The following LMX1B variants were observed in gnomAD, a reference collection of about 807,000 sequenced individuals.
LMX1B encodes LIM homeobox transcription factor 1 beta, also known as LIM homeobox transcription factor 1-beta.
Under a neutral mutation model 51.4 loss-of-function variants are expected in LMX1B, and 12 were observed. That is an observed-to-expected ratio of 0.23 (90% CI 0.15 to 0.38). The LOEUF (loss-of-function observed/expected upper bound fraction) is 0.38, where lower values mean the gene tolerates loss of function less well. Among genes scored for constraint, LMX1B ranks in the 10% least tolerant of loss-of-function variants. The pLI, the probability that LMX1B is intolerant of heterozygous loss-of-function variation, is 1.00. For missense variants in LMX1B, 445 were observed against 571.1 expected, an observed-to-expected ratio of 0.78 and a Z score of 2.25; for synonymous variants, 237 against 235.4, an observed-to-expected ratio of 1.01 and a Z score of -0.06.
intron 2 of LMX1B, among the ~76,000 whole-genome samples, chr9:126,640,444 A>G (rs1835788948): frequency 6.6e-6 from 1 of 152,196 alleles, no homozygotes; most frequent in Non-Finnish European, 1.5e-5. Context: ...TGTGACCTGT[A>G]TCTGAGGGCA....
intron 2 of LMX1B, among the ~76,000 whole-genome samples, chr9:126,630,515 G>A (rs377023233): frequency 2.0e-5 from 3 of 152,154 alleles, no homozygotes; most frequent in Non-Finnish European, 4.4e-5. Context: ...CATTTTACAG[G>A]GGAGGAAATT....
chr9:126,695,783 G>T lies in LMX1B; in HGVS notation c.887-56G>T, dbSNP rs1043635342. 2 of 1,597,292 alleles carry T rather than the reference G, an allele frequency of 1.3e-6. No individual in the cohort carries two copies. Among genetic ancestry groups the T allele is most frequent in the Admixed American group, 1.7e-5 (1 of 59,536 alleles). On this transcript the variant is annotated intron_variant, in intron 6 of 7. Coordinates refer to ENST00000373474, the MANE Select transcript of LMX1B (RefSeq NM_001174147.2). The surrounding 1 kb of genome is among the most constrained non-coding windows in gnomAD (Gnocchi z 5.2). The stretch of plus-strand genomic sequence containing the variant: ...GAGATCAGAAGGGGAGGCTGCTGGG[G>T]TGTAGCTGGGAGGGCGTGGACCAGG...
At chr9:126,639,209 A>G (rs1835766359) in intron 2 of LMX1B, among the ~76,000 whole-genome samples, 1 of 152,130 alleles carries the variant, frequency 6.6e-6, no homozygotes, top group Non-Finnish European at 1.5e-5. Context: ...GCCAGAAGCT[A>G]TCTCTAGAGG....
chr9:126,614,095 C>T lies in LMX1B; in HGVS notation c.-355C>T, dbSNP rs1835245532. 7.0e-6 allele frequency among the ~76,000 whole-genome samples: 1 copy of T among 141,940 alleles called. No homozygotes were observed. Among genetic ancestry groups the T allele is most frequent in the Admixed American group, 6.9e-5 (1 of 14,474 alleles). 93.1% of individuals were successfully genotyped at this position (141,940 alleles called of 152,430 possible). On this transcript the variant is annotated 5_prime_UTR_variant, in exon 1 of 8. Coordinates refer to ENST00000373474, the MANE Select transcript of LMX1B (RefSeq NM_001174147.2). ...GCCCCTGCACCCCCACCCCCTCCCC[C>T]GCCTGCCGCCGCCGCCACCGCCACC...
intron 2 of LMX1B, among the ~76,000 whole-genome samples, chr9:126,668,064 G>T (rs571781270): frequency 6.6e-6 from 1 of 152,276 alleles, no homozygotes; most frequent in South Asian, 2.1e-4. Flanking sequence ...TGAGAGGGGG[G>T]CAGGTTGAGG....
chr9:126,641,830 G>A lies in LMX1B; in HGVS notation c.326+26261G>A, dbSNP rs10987378. ...GCACCCAGCCTCTTGCCACTCACGCGTGAGCAATTGTGGTCACAGCTGATG... is the reference window on the plus strand; with the variant it reads ...GCACCCAGCCTCTTGCCACTCACGCATGAGCAATTGTGGTCACAGCTGATG... On this transcript the variant is annotated intron_variant, in intron 2 of 7. Transcript: ENST00000373474. This position sits in a 1 kb window ranked among gnomAD's most constrained non-coding sequence, Gnocchi z 4.1. Among the ~76,000 whole-genome samples, 27,466 of 152,110 alleles carry A rather than the reference G, an allele frequency of 0.18. 3,298 individuals are homozygous for A. The highest frequency in any genetic ancestry group is 0.42 in the East Asian group (2,187 of 5,156).
intron 2 of LMX1B, among the ~76,000 whole-genome samples, chr9:126,620,590 C>T (rs1835391857): frequency 6.6e-6 from 1 of 152,150 alleles, no homozygotes; most frequent in South Asian, 2.1e-4. Flanking sequence ...GTGCTGGGCT[C>T]TTTCTCCTTT....
rs2030452411 is a variant in LMX1B at position 126,699,160 on chromosome 9, G to A, written c.*2709G>A. On this transcript the variant is annotated 3_prime_UTR_variant, in exon 8 of 8. Transcript: ENST00000373474. The stretch of plus-strand genomic sequence containing the variant: ...CTCTCTCAGACCCAATAAGTTGGAA[G>A]GGACGTCAGAAGCGGTCATCTCATC... The A allele has an allele frequency of 1.3e-5, 2 of 152,364 alleles. No individual in the cohort carries two copies. The highest frequency in any genetic ancestry group is 4.8e-5 in the African/African-American group (2 of 41,574). The allele number at this position is 152,364 out of a possible 1,614,324, so 9.4% of individuals were successfully genotyped here. A position where few individuals can be genotyped will look rare whatever the true frequency, so the allele number is the denominator to read the frequency against.
intron 2 of LMX1B, among the ~76,000 whole-genome samples, chr9:126,643,898 C>T (rs147340383): frequency 1.6e-3 from 238 of 152,312 alleles, no homozygotes; most frequent in African/African-American, 5.3e-3. Context: ...ACCAGGTAGA[C>T]GCCACTTTCA....
chr9:126,657,020 AAAG>A (rs1164682638), intron 2 of LMX1B, among the ~76,000 whole-genome samples: 8 of 152,326 alleles, frequency 5.3e-5, no homozygotes, highest in Middle Eastern at 3.4e-3. Context: ...TTGCCTGATG[AAAG>A]AAGGATTCAC....
chr9:126,644,228 A>T (rs957499788), intron 2 of LMX1B, among the ~76,000 whole-genome samples: 5 of 152,188 alleles, frequency 3.3e-5, no homozygotes, highest in Admixed American at 6.5e-5. Context: ...AGTCTCCCCC[A>T]TCAGCTCAGC....
At chr9:126,674,581 G>A (rs1836520596) in intron 2 of LMX1B, among the ~76,000 whole-genome samples, 1 of 152,182 alleles carries the variant, frequency 6.6e-6, no homozygotes, top group Non-Finnish European at 1.5e-5. Context: ...TGAGCCAGGT[G>A]ACTGCCTGCC....
intron 2 of LMX1B, among the ~76,000 whole-genome samples, chr9:126,649,085 G>A (rs1388261215): frequency 6.6e-6 from 1 of 151,990 alleles, no homozygotes; most frequent in Admixed American, 6.5e-5. Context: ...TATCTTCCTT[G>A]TTGCTCCCTC....
rs78770338 is a variant in LMX1B, at chr9:126,646,858, C to T, written c.326+31289C>T. Among the ~76,000 whole-genome samples, 1,268 of 152,248 alleles carry T rather than the reference C, an allele frequency of 8.3e-3. 8 individuals are homozygous for T. Among genetic ancestry groups the T allele is most frequent in the Admixed American group, 0.016 (243 of 15,292 alleles). On this transcript the variant is annotated intron_variant, in intron 2 of 7. Coordinates refer to ENST00000373474, the MANE Select transcript of LMX1B (RefSeq NM_001174147.2). ...GAATCGCTAAGGTACATTGAACAAC[C>T]GGCTCCTAACACTGAGGTCACAGTC...
At chr9:126,622,635 G>A (rs2118841119) in intron 2 of LMX1B, among the ~76,000 whole-genome samples, 1 of 152,352 alleles carries the variant, frequency 6.6e-6, no homozygotes, top group Admixed American at 6.5e-5. Context: ...GGGACTCTGT[G>A]ACTCTTGTCG....
At chr9:126,643,522 A>T (rs1835844593) in intron 2 of LMX1B, among the ~76,000 whole-genome samples, 1 of 152,158 alleles carries the variant, frequency 6.6e-6, no homozygotes, top group Non-Finnish European at 1.5e-5. Flanking sequence ...TGTTGACAAG[A>T]TTTAGTGATA....
intron 2 of LMX1B, among the ~76,000 whole-genome samples, chr9:126,650,355 A>C (rs1244592399): frequency 6.6e-6 from 1 of 152,166 alleles, no homozygotes; most frequent in African/African-American, 2.4e-5. Flanking sequence ...GGAAGCCGAG[A>C]CCAGAGCTGC....
At chr9:126,666,636 G>C (rs942531009) in intron 2 of LMX1B, among the ~76,000 whole-genome samples, 4 of 152,204 alleles carry the variant, frequency 2.6e-5, no homozygotes, top group Non-Finnish European at 2.9e-5. Context: ...CTTTACGTAC[G>C]CATGTTCTAT....
In LMX1B at chr9:126,696,394, C is replaced by T. The variant is rs146476348; in HGVS notation, c.1152C>T (p.Arg384=). The change falls in exon 8 of 8, where the codon CGC becomes CGT. Residue 384 remains arginine (R), a synonymous_variant. Transcript: ENST00000373474. ...GSSDVGSLQA[R]VGNPIDRLYS... ...CAGACGTGGGCTCCCTGCAGGCCCG[C>T]GTGGGGAACCCCATCGACCGGCTCT... 446 of 1,614,008 alleles carry T rather than the reference C, an allele frequency of 2.8e-4. No homozygotes were observed. The highest frequency in any genetic ancestry group is 5.7e-4 in the Admixed American group (34 of 60,010).
Sources: allele counts gnomAD v4.1 joint callset (sites outside exome capture counted in the v4.1 genomes callset), GRCh38; gene constraint gnomAD v4.1.1; non-coding constraint Gnocchi (gnomAD v3.1); transcripts MANE v1.5; gene names NCBI Gene and HGNC (gene_info 2026-07-23, HGNC 2026-07-21).